The following CREBZF variants were observed in gnomAD, a reference collection of about 807,000 sequenced individuals.
The protein encoded by CREBZF is HCF-binding transcription factor Zhangfei.
Under a neutral mutation model 21.1 loss-of-function variants are expected in CREBZF, and 8 were observed. The observed-to-expected ratio is 0.38, with a 90% CI of 0.22 to 0.68. The LOEUF is 0.68. Among genes scored for constraint, CREBZF ranks in the 30% least tolerant of loss-of-function variants. The pLI is 0.51. For synonymous variants in CREBZF, 270 were observed against 223.3 expected (o/e 1.21, Z -1.86); for missense variants, 518 against 484.3 (o/e 1.07, Z -0.65).
In CREBZF at chr11:85,663,709, C is replaced by T. The variant is rs1356628095; in HGVS notation, c.*102G>A. On this transcript the variant is annotated 3_prime_UTR_variant, in exon 1 of 1. Coordinates refer to ENST00000527447, the MANE Select transcript of CREBZF (RefSeq NM_001039618.4). ...AGATTCAATATTACTTTTTTTCTCT[C>T]CTCTGAAATGTGTCCGGTGAAGATG... is the stretch of plus-strand genomic sequence containing the variant. The T allele has an allele frequency of 6.2e-7, 1 of 1,602,210 alleles. No homozygotes were observed. The highest frequency in any genetic ancestry group is 1.3e-5 in the African/African-American group (1 of 74,606).
chr11:85,682,843 G>A (rs939180649), exon 1 of CREBZF: 8 of 702,234 alleles, frequency 1.1e-5, no homozygotes, highest in Admixed American at 6.0e-5. Flanking sequence ...TGGATGAGCC[G>A]AGCTTGGACG....
chr11:85,663,731 G>A lies in CREBZF; in HGVS notation c.*80C>T. 1 of 1,592,570 alleles carries A rather than the reference G, an allele frequency of 6.3e-7. No homozygotes were observed. The highest frequency in any genetic ancestry group is 8.5e-7 in the Non-Finnish European group (1 of 1,169,860). On this transcript the variant is annotated 3_prime_UTR_variant, in exon 1 of 1. Transcript: ENST00000527447. ...TCTCCTCTGAAATGTGTCCGGTGAA[G>A]ATGTCCCACTAAGGTAAGTTTGACA...
At chr11:85,669,401 TACACACACACACACAC>T (rs61173351), upstream of CREBZF, among the ~76,000 whole-genome samples, 401 of 148,896 alleles carry the variant, frequency 2.7e-3, 2 homozygotes, top group Non-Finnish European at 1.8e-3. Flanking sequence ...TCAGTCATTC[TACACACACACACACAC>T]ACACACACAC....
chr11:85,682,073 A>G (rs1256011872), intron 1 of CREBZF, among the ~76,000 whole-genome samples: 1 of 152,218 alleles, frequency 6.6e-6, no homozygotes, highest in East Asian at 1.9e-4. Flanking sequence ...TAAAAAATAA[A>G]TAAGAATTTC....
chr11:85,671,208 C>T (rs968835936), intron 1 of CREBZF, among the ~76,000 whole-genome samples: 7 of 152,184 alleles, frequency 4.6e-5, no homozygotes, highest in African/African-American at 1.7e-4. Context: ...CTGCCCTTTA[C>T]AAAACCATCA....
At chr11:85,672,643 G>A (rs2082919595) in intron 1 of CREBZF, among the ~76,000 whole-genome samples, 1 of 152,166 alleles carries the variant, frequency 6.6e-6, no homozygotes, top group South Asian at 2.1e-4. Context: ...TGGCTAACTG[G>A]TTGGTCATGG....
At chr11:85,676,235 G>C (rs1297288405) in intron 1 of CREBZF, among the ~76,000 whole-genome samples, 1 of 152,122 alleles carries the variant, frequency 6.6e-6, no homozygotes, top group Non-Finnish European at 1.5e-5. Context: ...GATTTGGAAG[G>C]GTAGGAAGAA....
In CREBZF at chr11:85,658,779, A is replaced by T. The variant is rs953432832; in HGVS notation, c.*5032T>A. ...TCAGTGGGTATACAGCAAAGACAAA[A>T]TTTGGAGGCAGACGCTAAAGGAAGT... On this transcript the variant is annotated 3_prime_UTR_variant, in exon 1 of 1. Transcript: ENST00000527447. 1.3e-5 allele frequency among the ~76,000 whole-genome samples: 2 copies of T among 152,084 alleles called. No homozygotes were observed. The highest frequency in any genetic ancestry group is 2.9e-5 in the Non-Finnish European group (2 of 67,940).
rs1042513206 is a variant in CREBZF, at chr11:85,663,695, T to G, written c.*116A>C. On this transcript the variant is annotated 3_prime_UTR_variant, in exon 1 of 1. Coordinates refer to ENST00000527447, the MANE Select transcript of CREBZF (RefSeq NM_001039618.4). Reference sequence around the variant, plus strand: ...AGCTAAACACTTTAAGATTCAATATTACTTTTTTTCTCTCCTCTGAAATGT... The same window carrying G: ...AGCTAAACACTTTAAGATTCAATATGACTTTTTTTCTCTCCTCTGAAATGT... The G allele has an allele frequency of 1.2e-5, 20 of 1,608,898 alleles. No individual in the cohort carries two copies. Among genetic ancestry groups the G allele is most frequent in the Admixed American group, 1.7e-5 (1 of 59,496 alleles).
chr11:85,660,280 G>C lies in CREBZF; in HGVS notation c.*3531C>G. On this transcript the variant is annotated 3_prime_UTR_variant, in exon 1 of 1. Coordinates refer to ENST00000527447, the MANE Select transcript of CREBZF (RefSeq NM_001039618.4). ...GATGAAATACTGTAATTCTCCAAAG[G>C]TTACAATTTTGTAAAGATATGCAAT... 5.6e-6 allele frequency: 1 copy of C among 177,360 alleles called. No individual in the cohort carries two copies. Among genetic ancestry groups the C allele is most frequent in the Non-Finnish European group, 1.2e-5 (1 of 83,116 alleles). 11.0% of individuals were successfully genotyped at this position (177,360 alleles called of 1,614,324 possible).
chr11:85,665,681 C>A (rs1168579372), upstream of CREBZF, among the ~76,000 whole-genome samples: 2 of 151,752 alleles, frequency 1.3e-5, no homozygotes. Flanking sequence ...AAAACCAAAG[C>A]AAAATGAATG....
At chr11:85,669,761 G>A (rs1015869524), upstream of CREBZF, among the ~76,000 whole-genome samples, 22 of 152,254 alleles carry the variant, frequency 1.4e-4, no homozygotes, top group African/African-American at 7.2e-5. Flanking sequence ...ACATGTGTTC[G>A]TATACACACT....
chr11:85,660,409 CTT>C lies in CREBZF; in HGVS notation c.*3400_*3401del, dbSNP rs1406942034. 5 of 296,884 alleles carry C rather than the reference CTT, an allele frequency of 1.7e-5. No homozygotes were observed. Among genetic ancestry groups the C allele is most frequent in the Non-Finnish European group, 2.6e-5 (4 of 151,392 alleles). The allele number at this position is 296,884 out of a possible 1,614,324, so 18.4% of individuals were successfully genotyped here. On this transcript the variant is annotated 3_prime_UTR_variant, in exon 1 of 1. Coordinates refer to ENST00000527447, the MANE Select transcript of CREBZF (RefSeq NM_001039618.4). ...AAGTCTTTCAAGGATTCCAGAGAATCTTTTCATATCTCCATTTCTGGAAAGTG... is the reference window on the plus strand; with the variant it reads ...AAGTCTTTCAAGGATTCCAGAGAATCTTCATATCTCCATTTCTGGAAAGTG...
Position 85,663,899 on chromosome 11 carries a change from C to A in CREBZF, c.977G>T (p.Gly326Val). ...ATCCTTGTCCACATGGAGACAGACT[C>A]CTCCCGCCGAGTCGTCCTCTTCCAG... The part of the protein sequence containing the change: ...DLLEEDDSAG[G>V]VCLHVDKDKV... The change falls in exon 1 of 1, where the codon GGA becomes GTA. Residue 326 changes from glycine to valine, a missense_variant. Gly to Val is a moderately radical substitution (Grantham distance 109). Around this residue, in one of 3 missense-constraint regions of CREBZF, gnomAD observed 114 missense variants for 134.1 expected, o/e 0.85. Coordinates refer to ENST00000527447, the MANE Select transcript of CREBZF (RefSeq NM_001039618.4). 1 of 1,613,136 alleles carries A rather than the reference C, an allele frequency of 6.2e-7. No individual in the cohort carries two copies. The highest frequency in any genetic ancestry group is 8.5e-7 in the Non-Finnish European group (1 of 1,180,012).
intron 1 of CREBZF, among the ~76,000 whole-genome samples, chr11:85,681,613 A>C (rs1371997079): frequency 6.6e-6 from 1 of 152,176 alleles, no homozygotes; most frequent in East Asian, 1.9e-4. Flanking sequence ...CTACTCATAC[A>C]TTATTTGCTT....
upstream of CREBZF, among the ~76,000 whole-genome samples, chr11:85,669,000 T>TAAAAAAAA (rs2082891299): frequency 8.1e-5 from 1 of 12,370 alleles, no homozygotes; most frequent in African/African-American, 3.0e-4. Context: ...AGACTCCGTC[T>TAAAAAAAA]CAAAAAAAAA....
At chr11:85,665,970 G>C (rs2082855562), upstream of CREBZF, among the ~76,000 whole-genome samples, 1 of 152,178 alleles carries the variant, frequency 6.6e-6, no homozygotes, top group Non-Finnish European at 1.5e-5. Flanking sequence ...GAAACTGCCT[G>C]TCCAACCTTT....
Position 85,663,977 on chromosome 11 carries a change from G to A in CREBZF, c.899C>T (p.Pro300Leu), listed in dbSNP as rs776204067. 1.9e-6 allele frequency: 3 copies of A among 1,613,362 alleles called. No individual in the cohort carries two copies. The change falls in exon 1 of 1, where the codon CCC (proline) becomes CTC (leucine). Residue 300 changes from proline to leucine, a missense_variant. Pro to Leu is a moderately conservative substitution (Grantham distance 98, BLOSUM62 -3). This residue lies in a region of CREBZF where 114 missense variants were observed against 134.1 expected (regional missense o/e 0.85). Transcript: ENST00000527447. ...CAGAGCGTAGTCGTGGTCACCGGCG[G>A]GCGAGTCTCTGAAGAGCGAGGTGGT... is the stretch of plus-strand genomic sequence containing the variant. Reference protein sequence around the residue: ...RLTTSLFRDSPAGDHDYALPV... With the variant: ...RLTTSLFRDSLAGDHDYALPV...
At chr11:85,669,020 A>G (rs1306588628), upstream of CREBZF, among the ~76,000 whole-genome samples, 5 of 124,524 alleles carry the variant, frequency 4.0e-5, no homozygotes, top group African/African-American at 1.1e-4. Context: ...AAAAAAAAAA[A>G]AAAAAAAAAA....
Sources: gnomAD v4.1 joint callset for allele counts (sites outside exome capture counted in the v4.1 genomes callset) on GRCh38, gnomAD v4.1.1 for gene constraint, gnomAD v4.1.1 regional missense constraint, MANE v1.5 for transcripts, NCBI Gene and HGNC (gene_info 2026-07-23, HGNC 2026-07-21) for gene names.